GRIP1: variants seen among roughly 807,000 people sequenced by gnomAD.
GRIP1 encodes the protein glutamate receptor-interacting protein 1.
GRIP1 carries 45 observed loss-of-function variants against 129.9 expected under a neutral mutation model. The observed-to-expected ratio is 0.35, with a 90% confidence interval of 0.27 to 0.44. GRIP1 has a LOEUF of 0.44. GRIP1 is among the 20% of genes least tolerant of loss of function. The pLI is 1.00. For synonymous variants in GRIP1, 530 were observed against 520.8 expected, an observed-to-expected ratio of 1.02 and a Z score of -0.24; for missense variants, 1,196 against 1,396.8, an observed-to-expected ratio of 0.86 and a Z score of 2.29.
Position 66,818,623 on chromosome 12 carries a change from C to T in GRIP1, c.59-221696G>A, listed in dbSNP as rs188538883. ...TATGCAACAGAGTGCTTTAAAAGTA[C>T]GTCCCATTTTGTTAACACAGAATAT... On this transcript the variant is annotated intron_variant, in intron 1 of 1. Transcript: ENST00000643019. Among the ~76,000 whole-genome samples, 53 of 152,248 alleles carry T rather than the reference C, an allele frequency of 3.5e-4. No homozygotes were observed. The East Asian group carries it at 7.7e-3, about 22-fold the overall frequency.
intron 1 of GRIP1, among the ~76,000 whole-genome samples, chr12:66,811,868 C>T (rs2039111063): frequency 1.3e-5 from 2 of 152,122 alleles, no homozygotes; most frequent in African/African-American, 4.8e-5. Context: ...TGTGGTCTCA[C>T]TTCTAAGCTG....
intron 2 of GRIP1, among the ~76,000 whole-genome samples, chr12:66,582,165 T>C (rs904249225): frequency 3.3e-5 from 5 of 151,624 alleles, no homozygotes; most frequent in Admixed American, 1.3e-4. Flanking sequence ...CACATGATTA[T>C]CTCAATAGAT....
At chr12:66,387,699 A>T (rs1041735004) in intron 19 of GRIP1, among the ~76,000 whole-genome samples, 1 of 152,236 alleles carries the variant, frequency 6.6e-6, no homozygotes. Flanking sequence ...AAAACAAGAG[A>T]TCAAAGCAGA....
intron 1 of GRIP1, among the ~76,000 whole-genome samples, chr12:66,619,755 A>G (rs1465761189): frequency 6.6e-6 from 1 of 152,204 alleles, no homozygotes; most frequent in African/African-American, 2.4e-5. Context: ...CAAAAAACAG[A>G]TGACTAGATA....
intron 7 of GRIP1, among the ~76,000 whole-genome samples, chr12:66,502,882 C>A (rs2060428820): frequency 6.6e-6 from 1 of 152,148 alleles, no homozygotes; most frequent in Non-Finnish European, 1.5e-5. Flanking sequence ...ACACTAAAAT[C>A]AGACTATCCA....
At chr12:66,361,061 G>C (rs2054734476) in intron 23 of GRIP1, among the ~76,000 whole-genome samples, 1 of 152,196 alleles carries the variant, frequency 6.6e-6, no homozygotes. Flanking sequence ...TGCCAGTTTT[G>C]AGGACAATCC....
chr12:66,784,574 T>C (rs2038260281), intron 1 of GRIP1, among the ~76,000 whole-genome samples: 1 of 152,176 alleles, frequency 6.6e-6, no homozygotes, highest in Non-Finnish European at 1.5e-5. Flanking sequence ...CTTCCACCAG[T>C]TGACTGCAGT....
chr12:66,994,656 A>T (rs980780806), intron 1 of GRIP1, among the ~76,000 whole-genome samples: 3 of 152,088 alleles, frequency 2.0e-5, no homozygotes, highest in Non-Finnish European at 2.9e-5. Context: ...AACGTGTGAA[A>T]TCTACATTCT....
intron 1 of GRIP1, among the ~76,000 whole-genome samples, chr12:66,603,414 G>T (rs930146530): frequency 2.6e-5 from 4 of 152,176 alleles, no homozygotes; most frequent in African/African-American, 7.2e-5. Flanking sequence ...TTCTCAAAAT[G>T]TGGACCATGG....
At chr12:66,457,701 C>G (rs1349273440) in intron 9 of GRIP1, among the ~76,000 whole-genome samples, 3 of 152,134 alleles carry the variant, frequency 2.0e-5, no homozygotes, top group African/African-American at 7.2e-5. Context: ...ACTGTGATGC[C>G]AGCTGAATTG....
intron 1 of GRIP1, among the ~76,000 whole-genome samples, chr12:66,874,030 A>G (rs1459872106): frequency 6.6e-6 from 1 of 152,120 alleles, no homozygotes; most frequent in Non-Finnish European, 1.5e-5. Context: ...TTCTTGAAGG[A>G]CATCTGTCTT....
intron 7 of GRIP1, among the ~76,000 whole-genome samples, chr12:66,495,328 G>A (rs957256660): frequency 6.6e-6 from 1 of 152,174 alleles, no homozygotes; most frequent in African/African-American, 2.4e-5. Context: ...CGAGCAGGAG[G>A]GAGCCAGACA....
At chr12:67,062,340 C>A (rs983540605) in intron 1 of GRIP1, among the ~76,000 whole-genome samples, 9 of 152,208 alleles carry the variant, frequency 5.9e-5, no homozygotes, top group Non-Finnish European at 7.3e-5. Context: ...ATACTCTACA[C>A]TCCATCCCCT....
intron 4 of GRIP1, 95 bp downstream of exon 4, chr12:66,538,983 G>GAT (rs1392020667): frequency 6.8e-6 from 7 of 1,033,816 alleles, no homozygotes; most frequent in Admixed American, 1.8e-5. Context: ...AAAAAAACCT[G>GAT]ATATATATAG....
At chr12:66,727,798 C>T (rs946680593) in intron 1 of GRIP1, among the ~76,000 whole-genome samples, 7 of 152,052 alleles carry the variant, frequency 4.6e-5, no homozygotes, top group African/African-American at 1.7e-4. Flanking sequence ...ACATAAGATA[C>T]ACTGTAGGAG....
chr12:66,750,711 C>T (rs2037099500), intron 1 of GRIP1, among the ~76,000 whole-genome samples: 1 of 152,184 alleles, frequency 6.6e-6, no homozygotes, highest in Non-Finnish European at 1.5e-5. Flanking sequence ...AAATCTGTTA[C>T]ATTAGAGGAG....
intron 1 of GRIP1, among the ~76,000 whole-genome samples, chr12:66,818,394 G>A (rs2039261560): frequency 6.6e-6 from 1 of 152,126 alleles, no homozygotes; most frequent in Non-Finnish European, 1.5e-5. Context: ...GGCAACAAAT[G>A]TTATCTGTTA....
At chr12:66,917,370 T>C (rs892043726) in intron 1 of GRIP1, among the ~76,000 whole-genome samples, 3 of 152,182 alleles carry the variant, frequency 2.0e-5, no homozygotes, top group Non-Finnish European at 4.4e-5. Flanking sequence ...CTCTACACAT[T>C]GTGAGCACAC....
intron 2 of GRIP1, among the ~76,000 whole-genome samples, chr12:66,587,752 G>A (rs1367897284): frequency 6.6e-6 from 1 of 152,196 alleles, no homozygotes; most frequent in African/African-American, 2.4e-5. Context: ...TGCAGCGAGT[G>A]TGCACGGGTG....
Sources: allele counts gnomAD v4.1 joint callset (sites outside exome capture counted in the v4.1 genomes callset), GRCh38; gene constraint gnomAD v4.1.1; transcripts MANE v1.5; gene names NCBI Gene and HGNC (gene_info 2026-07-23, HGNC 2026-07-21).